Variants in ATP6V1C2 observed in about 807,000 individuals in gnomAD.
The protein encoded by ATP6V1C2 is V-type proton ATPase subunit C 2.
ATP6V1C2 carries 45 observed loss-of-function variants against 56.8 expected under a neutral mutation model. The observed-to-expected ratio is 0.79, with a 90% CI of 0.62 to 1.02. The LOEUF (loss-of-function observed/expected upper bound fraction) is 1.02, where lower values mean the gene tolerates loss of function less well. ATP6V1C2 is among the 50% of genes least tolerant of loss of function. The pLI is 0.00. For missense variants in ATP6V1C2, 463 were observed against 519.7 expected, an observed-to-expected ratio of 0.89 and a Z score of 1.06; for synonymous variants, 220 against 201.3, an observed-to-expected ratio of 1.09 and a Z score of -0.79.
chr2:10,771,175 C>T (rs934582567), intron 6 of ATP6V1C2, among the ~76,000 whole-genome samples: 2 of 152,196 alleles, frequency 1.3e-5, no homozygotes, highest in African/African-American at 2.4e-5. Context: ...GGCCATGGCT[C>T]AACGCTGGAG....
intron 10 of ATP6V1C2, among the ~76,000 whole-genome samples, chr2:10,777,334 C>G (rs576068213): frequency 6.6e-6 from 1 of 152,304 alleles, no homozygotes; most frequent in Admixed American, 6.5e-5. Flanking sequence ...GGGCTGACCC[C>G]TCTGCCAGAG....
chr2:10,768,641 T>C, intron 5 of ATP6V1C2, 78 bp from the exon 6 acceptor site: 1 of 1,113,598 alleles, frequency 9.0e-7, no homozygotes, highest in Non-Finnish European at 1.4e-6. Context: ...CACCATGAGC[T>C]GTTGTGGCCA....
chr2:10,779,727 G>C (rs1160109623), intron 12 of ATP6V1C2, among the ~76,000 whole-genome samples: 2 of 150,822 alleles, frequency 1.3e-5, no homozygotes, highest in Non-Finnish European at 2.9e-5. Context: ...GGGAAACCTG[G>C]CAACTCTAGG....
chr2:10,747,830 A>G (rs1341282890), intron 3 of ATP6V1C2, among the ~76,000 whole-genome samples: 1 of 151,896 alleles, frequency 6.6e-6, no homozygotes, highest in Admixed American at 6.6e-5. Context: ...AAACTGGAAC[A>G]CTTATACAGA....
chr2:10,743,996 AAT>A (rs1419143537), intron 3 of ATP6V1C2, among the ~76,000 whole-genome samples: 26 of 29,852 alleles, frequency 8.7e-4, no homozygotes, highest in African/African-American at 1.6e-3. Flanking sequence ...AAAAAAAAAA[AAT>A]AATAATAATA....
intron 4 of ATP6V1C2, among the ~76,000 whole-genome samples, chr2:10,758,767 A>G (rs1057110865): frequency 1.3e-5 from 2 of 151,744 alleles, no homozygotes; most frequent in African/African-American, 2.4e-5. Flanking sequence ...GGTTCAAGCA[A>G]TTCTCCTGCC....
At chr2:10,779,858 G>A (rs923686750) in intron 12 of ATP6V1C2, among the ~76,000 whole-genome samples, 6 of 152,168 alleles carry the variant, frequency 3.9e-5, no homozygotes, top group African/African-American at 9.6e-5. Flanking sequence ...GAATAGATAC[G>A]TAATTCTTAC....
chr2:10,760,905 T>A (rs1462862052), intron 4 of ATP6V1C2, among the ~76,000 whole-genome samples: 2 of 152,172 alleles, frequency 1.3e-5, no homozygotes, highest in African/African-American at 4.8e-5. Context: ...ACGTAGACAG[T>A]GCGAGCTGAT....
intron 3 of ATP6V1C2, among the ~76,000 whole-genome samples, chr2:10,749,887 T>C (rs984929010): frequency 6.6e-6 from 1 of 152,226 alleles, no homozygotes; most frequent in Non-Finnish European, 1.5e-5. Context: ...GAATTTGTTA[T>C]GATACAGCTA....
At position 10,784,894 on chromosome 2, in the gene ATP6V1C2, C is replaced by T; in HGVS notation, c.*1631C>T. On this transcript the variant is annotated 3_prime_UTR_variant, in exon 14 of 14. Coordinates refer to ENST00000272238, the MANE Select transcript of ATP6V1C2 (RefSeq NM_001039362.2). ...GATGCACAGGCTCAAGAGAGTAAAC[C>T]AGGACTGCTGCCCGCACAGCTTCCC... The T allele has an allele frequency of 7.2e-7, 1 of 1,398,494 alleles. No homozygotes were observed. The highest frequency in any genetic ancestry group is 1.2e-5 in the South Asian group (1 of 81,234). 86.6% of individuals were successfully genotyped at this position (1,398,494 alleles called of 1,614,324 possible).
intron 3 of ATP6V1C2, among the ~76,000 whole-genome samples, chr2:10,728,283 T>C (rs1661756525): frequency 6.6e-6 from 1 of 152,078 alleles, no homozygotes; most frequent in African/African-American, 2.4e-5. Flanking sequence ...AAGGTCTCAC[T>C]GTGTTTCCCA....
chr2:10,753,860 A>T, intron 3 of ATP6V1C2, 121 bp from the exon 4 acceptor site: 1 of 863,694 alleles, frequency 1.2e-6, no homozygotes, highest in Non-Finnish European at 1.9e-6. Context: ...CCCTCTTCAT[A>T]CATCTTGCCA....
Position 10,784,256 on chromosome 2 carries a change from T to G in ATP6V1C2, c.*993T>G. The G allele has an allele frequency of 6.2e-7, 1 of 1,610,398 alleles. No homozygotes were observed. Among genetic ancestry groups the G allele is most frequent in the Non-Finnish European group, 8.5e-7 (1 of 1,177,632 alleles). On this transcript the variant is annotated 3_prime_UTR_variant, in exon 14 of 14. Coordinates refer to ENST00000272238, the MANE Select transcript of ATP6V1C2 (RefSeq NM_001039362.2). ...AATGGTCTGAAGCCTCTGTTGTGGC[T>G]CTCACAACTCATCTTTCCCTAAGTC...
At chr2:10,737,679 G>A (rs1164932753) in intron 3 of ATP6V1C2, among the ~76,000 whole-genome samples, 1 of 152,074 alleles carries the variant, frequency 6.6e-6, no homozygotes, top group African/African-American at 2.4e-5. Flanking sequence ...ATACAGAAAG[G>A]TCTGTGACAG....
At chr2:10,767,637 T>C (rs1664310243) in intron 5 of ATP6V1C2, among the ~76,000 whole-genome samples, 1 of 151,126 alleles carries the variant, frequency 6.6e-6, no homozygotes, top group African/African-American at 2.4e-5. Context: ...TTTGTATTTT[T>C]AGTAGAGGCA....
Position 10,764,380 on chromosome 2 carries a change from T to C in ATP6V1C2, c.333T>C (p.Tyr111=), listed in dbSNP as rs777262783. 1 of 1,614,134 alleles carries C rather than the reference T, an allele frequency of 6.2e-7. No homozygotes were observed. Among genetic ancestry groups the C allele is most frequent in the East Asian group, 2.2e-5 (1 of 44,874 alleles). The change falls in exon 5 of 14, where the codon TAT becomes TAC. Residue 111 remains tyrosine, a synonymous_variant. Transcript: ENST00000272238. The part of the protein sequence containing the change: ...VTHFEWDMAK[Y]PVKQPLVSVV... ...ACTTTGAATGGGACATGGCCAAATATCCTGTCAAGCAGCCGCTCGTGAGTG... is the reference window on the plus strand; with the variant it reads ...ACTTTGAATGGGACATGGCCAAATACCCTGTCAAGCAGCCGCTCGTGAGTG...
intron 10 of ATP6V1C2, among the ~76,000 whole-genome samples, chr2:10,776,103 C>T (rs780727506): frequency 1.4e-5 from 2 of 139,216 alleles, no homozygotes; most frequent in Non-Finnish European, 3.1e-5. Context: ...GCAGCCACCC[C>T]GTCACAAGCG....
chr2:10,782,539 A>C (rs949468947), intron 13 of ATP6V1C2, among the ~76,000 whole-genome samples, 164 bp downstream of exon 13: 1 of 150,098 alleles, frequency 6.7e-6, no homozygotes, highest in Admixed American at 6.6e-5. Flanking sequence ...GTCTCTACTA[A>C]AAAAAAAATT....
In ATP6V1C2 at chr2:10,775,086, G is replaced by A. The variant is rs1203519482; in HGVS notation, c.825+15G>A. 4.4e-6 allele frequency: 7 copies of A among 1,602,208 alleles called. No individual in the cohort carries two copies. The highest frequency in any genetic ancestry group is 4.0e-5 in the African/African-American group (3 of 74,754). ...AGCAACAGTATGTGAGTATGTGATT[G>A]AGCAGCTCCTCCCGCCCCTACCCGG... On this transcript the variant is annotated intron_variant, in intron 10 of 13. Coordinates refer to ENST00000272238, the MANE Select transcript of ATP6V1C2 (RefSeq NM_001039362.2).
Sources: gnomAD v4.1 joint callset for allele counts (sites outside exome capture counted in the v4.1 genomes callset) on GRCh38, gnomAD v4.1.1 for gene constraint, MANE v1.5 for transcripts, NCBI Gene and HGNC (gene_info 2026-07-23, HGNC 2026-07-21) for gene names.